Variants in CCSER1 observed in about 807,000 individuals in gnomAD.
CCSER1 encodes the protein serine-rich coiled-coil domain-containing protein 1.
A neutral mutation model predicts 82.0 loss-of-function variants in CCSER1; 41 were observed. The observed-to-expected ratio is 0.50, with a 90% CI of 0.39 to 0.65. The LOEUF (loss-of-function observed/expected upper bound fraction) is 0.65. Ranked by LOEUF, CCSER1 falls within the 30% of genes least tolerant of loss-of-function variation. The probability of loss-of-function intolerance (pLI) is 0.00; values close to 1 mark genes in which losing one functional copy is unlikely to be tolerated. For missense variants in CCSER1, 1,119 were observed against 1,064.2 expected (o/e 1.05, Z -0.72); for synonymous variants, 414 against 383.9 (o/e 1.08, Z -0.92).
intron 9 of CCSER1, among the ~76,000 whole-genome samples, chr4:90,966,270 G>T (rs539575022): frequency 6.6e-6 from 1 of 152,000 alleles, no homozygotes; most frequent in South Asian, 2.1e-4. Flanking sequence ...AGTCCATGTG[G>T]TATAATTTAA....
At chr4:90,982,897 A>G (rs1382644858) in intron 9 of CCSER1, among the ~76,000 whole-genome samples, 2 of 151,844 alleles carry the variant, frequency 1.3e-5, no homozygotes, top group African/African-American at 4.8e-5. Context: ...AGTCCTTAGA[A>G]GCAGACCAGT....
At chr4:90,538,490 G>A (rs1421407570) in intron 5 of CCSER1, among the ~76,000 whole-genome samples, 2 of 151,982 alleles carry the variant, frequency 1.3e-5, no homozygotes, top group Non-Finnish European at 2.9e-5. Context: ...TTTTTAAAAA[G>A]TTTTTACTTG....
At chr4:91,075,979 C>T (rs1241159584) in intron 9 of CCSER1, among the ~76,000 whole-genome samples, 1 of 152,168 alleles carries the variant, frequency 6.6e-6, no homozygotes, top group Non-Finnish European at 1.5e-5. Context: ...ACCTGACCTT[C>T]CAACTTGAAG....
At chr4:90,231,488 A>G (rs1040670964) in intron 1 of CCSER1, among the ~76,000 whole-genome samples, 1 of 148,122 alleles carries the variant, frequency 6.8e-6, no homozygotes, top group Non-Finnish European at 1.5e-5. Context: ...AATAAGAGCT[A>G]TCTATGACAA....
intron 3 of CCSER1, among the ~76,000 whole-genome samples, chr4:90,388,987 G>A (rs1391947392): frequency 2.0e-5 from 3 of 152,098 alleles, no homozygotes; most frequent in Non-Finnish European, 4.4e-5. Flanking sequence ...TCATAGTATT[G>A]TATATTCAAA....
At chr4:91,196,296 A>G (rs907075856) in intron 10 of CCSER1, among the ~76,000 whole-genome samples, 1 of 152,206 alleles carries the variant, frequency 6.6e-6, no homozygotes, top group Admixed American at 6.5e-5. Context: ...CCAATTTTCT[A>G]AATTCACCAA....
chr4:91,464,366 A>C (rs185807491), intron 10 of CCSER1, among the ~76,000 whole-genome samples: 1,777 of 152,310 alleles, frequency 0.012, 33 homozygotes, highest in African/African-American at 0.041. Flanking sequence ...CTAAACATGC[A>C]AAGGAACAAC....
intron 3 of CCSER1, among the ~76,000 whole-genome samples, chr4:90,347,321 C>T (rs1742530262): frequency 1.3e-5 from 2 of 151,628 alleles, no homozygotes; most frequent in Admixed American, 6.6e-5. Context: ...CTCTATCTAT[C>T]TATCTATCTA....
At chr4:91,222,371 A>G (rs922719095) in intron 10 of CCSER1, among the ~76,000 whole-genome samples, 4 of 152,044 alleles carry the variant, frequency 2.6e-5, no homozygotes, top group African/African-American at 7.2e-5. Context: ...ACTTAGCTCA[A>G]TTTATTTTCT....
chr4:91,298,147 G>A (rs977959111), intron 10 of CCSER1, among the ~76,000 whole-genome samples: 10 of 152,078 alleles, frequency 6.6e-5, no homozygotes, highest in Non-Finnish European at 1.0e-4. Context: ...ACAGTAAAGG[G>A]GCTATCAAGT....
At chr4:91,364,681 A>G (rs900751331) in intron 10 of CCSER1, among the ~76,000 whole-genome samples, 1 of 152,112 alleles carries the variant, frequency 6.6e-6, no homozygotes, top group African/African-American at 2.4e-5. Context: ...CTGATACAGA[A>G]GATCCATAAT....
At chr4:90,568,968 A>G (rs1472181788) in intron 5 of CCSER1, among the ~76,000 whole-genome samples, 2 of 151,614 alleles carry the variant, frequency 1.3e-5, no homozygotes, top group Admixed American at 6.6e-5. Flanking sequence ...GGATTTCACC[A>G]TGTTGGTCAG....
In CCSER1 at chr4:91,602,513, T is replaced by TATC. The variant is rs1333608783; in HGVS notation, c.*3457_*3459dup. ...GAACAGTTTGCTGAATGGTTAGGATTATCTCTGCACATCATTCGTCATCAT... is the reference window on the plus strand; with the variant it reads ...GAACAGTTTGCTGAATGGTTAGGATTATCATCTCTGCACATCATTCGTCATCAT... On this transcript the variant is annotated 3_prime_UTR_variant, in exon 11 of 11. Transcript: ENST00000509176. 1.3e-5 allele frequency among the ~76,000 whole-genome samples: 2 copies of TATC among 152,204 alleles called. No individual in the cohort carries two copies. The highest frequency in any genetic ancestry group is 3.9e-4 in the East Asian group (2 of 5,190).
intron 5 of CCSER1, among the ~76,000 whole-genome samples, chr4:90,618,295 A>G (rs1417040260): frequency 6.6e-6 from 1 of 152,008 alleles, no homozygotes; most frequent in Non-Finnish European, 1.5e-5. Flanking sequence ...GCCAAATTAC[A>G]GGACAACAAT....
chr4:91,517,786 T>TGTGTGTGTG (rs1560732342), intron 10 of CCSER1, among the ~76,000 whole-genome samples: 20 of 90,650 alleles, frequency 2.2e-4, no homozygotes, highest in African/African-American at 4.7e-4. Context: ...GTGTGTGTGT[T>TGTGTGTGTG]TAACTTTGAT....
At chr4:91,406,076 A>G (rs563127928) in intron 10 of CCSER1, among the ~76,000 whole-genome samples, 1 of 152,210 alleles carries the variant, frequency 6.6e-6, no homozygotes, top group Non-Finnish European at 1.5e-5. Context: ...ATTAACATAG[A>G]TAATAATGAA....
At chr4:90,369,373 G>T (rs1205122341) in intron 3 of CCSER1, among the ~76,000 whole-genome samples, 1 of 151,154 alleles carries the variant, frequency 6.6e-6, no homozygotes, top group African/African-American at 2.4e-5. Flanking sequence ...GGAAAAGAAG[G>T]AAGAGGAGAG....
At chr4:90,983,418 G>A (rs1332502628) in intron 9 of CCSER1, among the ~76,000 whole-genome samples, 4 of 151,488 alleles carry the variant, frequency 2.6e-5, no homozygotes, top group Admixed American at 2.0e-4. Flanking sequence ...AATAATTTGG[G>A]TAGAGAACTG....
chr4:90,252,639 T>C lies in CCSER1; in HGVS notation c.-41-55605T>C, dbSNP rs376328856. On this transcript the variant is annotated intron_variant, in intron 1 of 10. Coordinates refer to ENST00000509176, the MANE Select transcript of CCSER1 (RefSeq NM_001145065.2). Reference sequence around the variant, plus strand: ...CCTTTGTGTTACAAAAATCCACTTATATTATTTTAGTTATTTTTAAATGTT... The same window carrying C: ...CCTTTGTGTTACAAAAATCCACTTACATTATTTTAGTTATTTTTAAATGTT... 7.9e-5 allele frequency among the ~76,000 whole-genome samples: 12 copies of C among 152,004 alleles called. No individual in the cohort carries two copies. In the East Asian group the frequency reaches 1.9e-3, roughly 24 times the overall value.
Sources: gnomAD v4.1 joint callset for allele counts (sites outside exome capture counted in the v4.1 genomes callset) on GRCh38, gnomAD v4.1.1 for gene constraint, MANE v1.5 for transcripts, NCBI Gene and HGNC (gene_info 2026-07-23, HGNC 2026-07-21) for gene names.